MCF2L2: variants seen among roughly 807,000 people sequenced by gnomAD.
The protein encoded by MCF2L2 is MCF.2 cell line derived transforming sequence-like 2.
MCF2L2 carries 102 observed loss-of-function variants against 150.2 expected under a neutral mutation model. The observed-to-expected ratio is 0.68, with a 90% confidence interval of 0.58 to 0.80. MCF2L2 has a LOEUF of 0.80. Among genes scored for constraint, MCF2L2 ranks in the 30% least tolerant of loss-of-function variants. MCF2L2 has a pLI of 0.00. For synonymous variants in MCF2L2, 465 were observed against 491.3 expected (o/e 0.95, Z 0.71); for missense variants, 1,256 against 1,372.8 (o/e 0.91, Z 1.34).
In MCF2L2 at chr3:183,207,777, C is replaced by T; in HGVS notation, c.2543G>A (p.Ser848Asn). 6.2e-7 allele frequency: 1 copy of T among 1,614,218 alleles called. No homozygotes were observed. Among genetic ancestry groups the T allele is most frequent in the Admixed American group, 1.7e-5 (1 of 60,022 alleles). The change falls in exon 23 of 30, where the codon AGC (serine) becomes AAC (asparagine). Residue 848 changes from serine (S) to asparagine (N), a missense_variant. Ser to Asn is a conservative substitution (Grantham distance 46). Coordinates refer to ENST00000328913, the MANE Select transcript of MCF2L2 (RefSeq NM_015078.4). ...LGKLLLHGPF[S>N]VWTIHKDRYK... ...ACGATCCTTGTGAATTGTCCAGACG[C>T]TGAAAGGGCCGTGCAGCAACAGCTT...
At chr3:183,218,498 G>A (rs1427767387) in intron 21 of MCF2L2, among the ~76,000 whole-genome samples, 2 of 152,066 alleles carry the variant, frequency 1.3e-5, no homozygotes, top group African/African-American at 2.4e-5. Context: ...AGCCGGGCGT[G>A]GTGGCGGGTG....
Position 183,283,416 on chromosome 3 carries a change from T to C in MCF2L2, c.1776+5704A>G, listed in dbSNP as rs1727613311. ...TCTCTCATCTACCTTCCCAGCATTC[T>C]TGAGCCATTCCCAGGATAGCCTAGG... On this transcript the variant is annotated intron_variant, in intron 14 of 29. Transcript: ENST00000328913. The surrounding 1 kb of genome is among the most constrained non-coding windows in gnomAD (Gnocchi z 4.2). Among the ~76,000 whole-genome samples, 1 of 152,210 alleles carries C rather than the reference T, an allele frequency of 6.6e-6. No homozygotes were observed. Among genetic ancestry groups the C allele is most frequent in the Non-Finnish European group, 1.5e-5 (1 of 68,030 alleles).
chr3:183,204,712 C>T (rs1471096235), intron 25 of MCF2L2, among the ~76,000 whole-genome samples: 3 of 152,088 alleles, frequency 2.0e-5, no homozygotes, highest in East Asian at 1.9e-4. Flanking sequence ...AAAATATCTA[C>T]AGCAGCTTTA....
Position 183,278,211 on chromosome 3 carries a change from T to TA in MCF2L2, c.1777-1255_1777-1254insT, listed in dbSNP as rs201358881. Among the ~76,000 whole-genome samples the TA allele has an allele frequency of 4.9e-3, 735 of 148,562 alleles. 2 individuals carry two copies. Among genetic ancestry groups the TA allele is most frequent in the African/African-American group, 0.017 (694 of 39,960 alleles). Reference sequence around the variant, plus strand: ...AAGAAAAAATATATATATATATATATTTTTTATTATATTGTTTATTAAACA... The same window carrying TA: ...AAGAAAAAATATATATATATATATATATTTTTATTATATTGTTTATTAAACA... On this transcript the variant is annotated intron_variant, in intron 14 of 29. Transcript: ENST00000328913.
rs551689619 is a variant in MCF2L2 at position 183,312,792 on chromosome 3, T to A, written c.754-1020A>T. 3.3e-5 allele frequency among the ~76,000 whole-genome samples: 5 copies of A among 152,256 alleles called. No homozygotes were observed. In the East Asian group the frequency reaches 7.7e-4, roughly 24 times the overall value. ...CTTTGTTCCTTGTGTCCCATCCTAC[T>A]CCAGAATTTCCCCTGGAAGGGTTAC... On this transcript the variant is annotated intron_variant, in intron 7 of 29. Transcript: ENST00000328913.
At chr3:183,189,935 C>T (rs748095966) in intron 27 of MCF2L2, among the ~76,000 whole-genome samples, 1 of 152,192 alleles carries the variant, frequency 6.6e-6, no homozygotes, top group South Asian at 2.1e-4. Context: ...ATGGCAGACT[C>T]GCCTAGGCTG....
intron 24 of MCF2L2, 27 bp downstream of exon 24, chr3:183,206,095 G>A (rs377451889): frequency 1.3e-6 from 2 of 1,595,990 alleles, no homozygotes; most frequent in African/African-American, 2.7e-5. Flanking sequence ...GAGTAGAGGA[G>A]ACCCATGGGG....
intron 15 of MCF2L2, among the ~76,000 whole-genome samples, chr3:183,254,977 A>C (rs971650480): frequency 6.6e-6 from 1 of 152,212 alleles, no homozygotes; most frequent in African/African-American, 2.4e-5. Flanking sequence ...CACCCTGTAC[A>C]TTCTTGGCCG....
At chr3:183,314,220 C>T (rs980080495) in intron 7 of MCF2L2, among the ~76,000 whole-genome samples, 1 of 152,108 alleles carries the variant, frequency 6.6e-6, no homozygotes, top group Admixed American at 6.5e-5. Context: ...CGGGAGCACT[C>T]TCTGATTGTA....
intron 17 of MCF2L2, 114 bp from the exon 18 acceptor site, chr3:183,228,480 G>A: frequency 1.5e-6 from 1 of 653,240 alleles, no homozygotes; most frequent in Non-Finnish European, 2.6e-6. Flanking sequence ...ATGTTCTCCA[G>A]GCCTTCTTGC....
At chr3:183,182,868 A>G (rs1290224994) in intron 27 of MCF2L2, among the ~76,000 whole-genome samples, 1 of 152,174 alleles carries the variant, frequency 6.6e-6, no homozygotes, top group East Asian at 1.9e-4. Context: ...ATTGACCACC[A>G]GGCTGTGTGC....
intron 5 of MCF2L2, 36 bp downstream of exon 5, chr3:183,338,764 C>T (rs1290570034): frequency 1.3e-6 from 2 of 1,575,516 alleles, no homozygotes; most frequent in Admixed American, 3.4e-5. Flanking sequence ...GCCAGAAGCC[C>T]TAACCAAATG....
intron 25 of MCF2L2, among the ~76,000 whole-genome samples, chr3:183,200,607 C>G (rs1320435645): frequency 2.0e-5 from 3 of 152,092 alleles, no homozygotes; most frequent in Admixed American, 1.3e-4. Flanking sequence ...TCTTTTGCTG[C>G]GCAGAAACTC....
chr3:183,417,992 A>C (rs1254614913), intron 1 of MCF2L2, among the ~76,000 whole-genome samples: 1 of 152,170 alleles, frequency 6.6e-6, no homozygotes, highest in Non-Finnish European at 1.5e-5. Context: ...GTTCGAGACC[A>C]GCCTGGCCAA....
chr3:183,382,300 C>T (rs1047582785), intron 2 of MCF2L2, among the ~76,000 whole-genome samples: 5 of 152,146 alleles, frequency 3.3e-5, no homozygotes, highest in African/African-American at 7.2e-5. Flanking sequence ...CTCAACTGAT[C>T]CGTCTGCCTC....
At chr3:183,406,014 T>A (rs13077022) in intron 1 of MCF2L2, among the ~76,000 whole-genome samples, 5 of 152,016 alleles carry the variant, frequency 3.3e-5, no homozygotes, top group South Asian at 2.1e-4. Context: ...CCACCACACC[T>A]GGCCCTGCTT....
intron 2 of MCF2L2, among the ~76,000 whole-genome samples, chr3:183,388,399 G>T (rs1713952508): frequency 1.3e-5 from 2 of 152,146 alleles, no homozygotes; most frequent in Admixed American, 6.5e-5. Context: ...TCTGCCTTTT[G>T]TCTTGCGCAA....
chr3:183,351,217 TATATATATA>T lies in MCF2L2; in HGVS notation c.276-9596_276-9588del, dbSNP rs1731114750. Among the ~76,000 whole-genome samples the T allele has an allele frequency of 4.4e-5, 4 of 91,934 alleles. No individual in the cohort carries two copies. In the South Asian group the frequency reaches 1.4e-3, roughly 33 times the overall value. The allele number at this position is 91,934 out of a possible 152,430, so 60.3% of individuals were successfully genotyped here. ...ATATATATATATATATATATATATATATATATATATATATATATATTTATTTATTTATTT... is the reference window on the plus strand; with the variant it reads ...ATATATATATATATATATATATATATTATATATATATTTATTTATTTATTT... On this transcript the variant is annotated intron_variant, in intron 3 of 29. Coordinates refer to ENST00000328913, the MANE Select transcript of MCF2L2 (RefSeq NM_015078.4).
At chr3:183,382,247 C>T (rs1279018667) in intron 2 of MCF2L2, among the ~76,000 whole-genome samples, 1 of 151,914 alleles carries the variant, frequency 6.6e-6, no homozygotes, top group Non-Finnish European at 1.5e-5. Context: ...TTAGTAGAGA[C>T]GGGGTTTCAC....
Sources: allele counts gnomAD v4.1 joint callset (sites outside exome capture counted in the v4.1 genomes callset), GRCh38; gene constraint gnomAD v4.1.1; non-coding constraint Gnocchi (gnomAD v3.1); transcripts MANE v1.5; gene names NCBI Gene and HGNC (gene_info 2026-07-23, HGNC 2026-07-21).